Variants in VTCN1 observed in about 807,000 individuals in gnomAD.
VTCN1 encodes the protein V-set domain containing T cell activation inhibitor 1.
A neutral mutation model predicts 26.5 loss-of-function variants in VTCN1; 26 were observed. That is an observed-to-expected ratio of 0.98 (90% CI 0.72 to 1.36). The LOEUF (loss-of-function observed/expected upper bound fraction) is 1.36, where lower values mean the gene tolerates loss of function less well. Among genes scored for constraint, VTCN1 ranks in the 40% most tolerant of loss-of-function variants. VTCN1 has a pLI of 0.00. For missense variants in VTCN1, 298 were observed against 337.7 expected (o/e 0.88, Z 0.92); for synonymous variants, 116 against 130.7 (o/e 0.89, Z 0.77).
At chr1:117,162,553 C>T (rs887510082) in intron 2 of VTCN1, among the ~76,000 whole-genome samples, 1 of 152,098 alleles carries the variant, frequency 6.6e-6, no homozygotes, top group Non-Finnish European at 1.5e-5. Context: ...AGGCAGGTAC[C>T]TATTGATAGA....
chr1:117,180,685 T>A (rs56174814), intron 1 of VTCN1, among the ~76,000 whole-genome samples: 15,562 of 152,248 alleles, frequency 0.1, 1,013 homozygotes, highest in Non-Finnish European at 0.15. Flanking sequence ...CTGGGTGGGA[T>A]CTGGCTGCTA....
chr1:117,195,456 T>C (rs1648461768), intron 1 of VTCN1, among the ~76,000 whole-genome samples: 1 of 152,066 alleles, frequency 6.6e-6, no homozygotes, highest in Non-Finnish European at 1.5e-5. Flanking sequence ...TCACATTGTA[T>C]GCCTTAAATA....
intron 1 of VTCN1, among the ~76,000 whole-genome samples, chr1:117,178,447 G>A (rs914504380): frequency 6.6e-6 from 1 of 150,742 alleles, no homozygotes; most frequent in Admixed American, 6.6e-5. Context: ...TAGTAGAGAT[G>A]GGATTTCACT....
At position 117,201,736 on chromosome 1, in the gene VTCN1, C is replaced by T. The variant is rs550468535; in HGVS notation, c.32+9088G>A. On this transcript the variant is annotated intron_variant, in intron 1 of 5. Transcript: ENST00000369458. ...CTTGTTTTGCTAAATTGCTATGACC[C>T]TACATTATGGTCATTAGACAAAGAT... Among the ~76,000 whole-genome samples the T allele has an allele frequency of 2.0e-5, 3 of 152,282 alleles. No homozygotes were observed. The South Asian group carries it at 6.2e-4, about 32-fold the overall frequency.
intron 1 of VTCN1, among the ~76,000 whole-genome samples, chr1:117,198,128 A>C (rs1015041401): frequency 1.3e-5 from 2 of 152,186 alleles, no homozygotes; most frequent in Non-Finnish European, 2.9e-5. Flanking sequence ...AACGTGTGCT[A>C]TCATAGGGAA....
chr1:117,160,720 T>TTTG (rs546904269), intron 2 of VTCN1, among the ~76,000 whole-genome samples: 159 of 152,228 alleles, frequency 1.0e-3, no homozygotes, highest in East Asian at 3.5e-3. Flanking sequence ...AGCAGACGTG[T>TTTG]TTGTTGTTGT....
intron 1 of VTCN1, among the ~76,000 whole-genome samples, chr1:117,205,087 G>GTATGTATGTA (rs551823624): frequency 1.1e-4 from 1 of 9,416 alleles, no homozygotes; most frequent in African/African-American, 1.2e-4. Context: ...ACATGTATAT[G>GTATGTATGTA]TATGTATGTA....
rs1161941085 is a variant in VTCN1 at position 117,144,716 on chromosome 1, A to G, written c.*555T>C. 5.9e-5 allele frequency: 9 copies of G among 152,632 alleles called. No individual in the cohort carries two copies. Among genetic ancestry groups the G allele is most frequent in the African/African-American group, 2.2e-4 (9 of 41,442 alleles). The allele number at this position is 152,632 out of a possible 1,614,324, so 9.5% of individuals were successfully genotyped here. A position where few individuals can be genotyped will look rare whatever the true frequency, so the allele number is the denominator to read the frequency against. ...AAGGCACCTTTGGAAGCATCATAAA[A>G]AGTGAATCATTTGACCCATTACTAA... On this transcript the variant is annotated 3_prime_UTR_variant, in exon 6 of 6. Coordinates refer to ENST00000369458, the MANE Select transcript of VTCN1 (RefSeq NM_024626.4).
chr1:117,160,855 A>G (rs1340593896), intron 2 of VTCN1, among the ~76,000 whole-genome samples: 1 of 152,206 alleles, frequency 6.6e-6, no homozygotes, highest in Non-Finnish European at 1.5e-5. Flanking sequence ...TACAAAGTAA[A>G]TGAGGGTAAT....
intron 2 of VTCN1, among the ~76,000 whole-genome samples, chr1:117,166,205 G>A (rs919702656): frequency 6.6e-6 from 1 of 152,186 alleles, no homozygotes; most frequent in Non-Finnish European, 1.5e-5. Context: ...CTGTCGCTAT[G>A]CAACAGGAAA....
chr1:117,166,481 G>A (rs1446389324), intron 2 of VTCN1, among the ~76,000 whole-genome samples: 5 of 151,854 alleles, frequency 3.3e-5, no homozygotes, highest in African/African-American at 7.3e-5. Flanking sequence ...GTGGCCTGGC[G>A]CGGTGGCTCA....
In VTCN1 at chr1:117,169,895, A is replaced by AAAAT. The variant is rs1453646983; in HGVS notation, c.97+208_97+211dup. On this transcript the variant is annotated intron_variant, in intron 2 of 5. Transcript: ENST00000369458. The surrounding 1 kb of genome is among the most constrained non-coding windows in gnomAD (Gnocchi z 4.0). ...GGGCAACAGAGCCAGACCCTGTCTCAAAATAAATAAATAAATAATAAAAAA... is the reference window on the plus strand; with the variant it reads ...GGGCAACAGAGCCAGACCCTGTCTCAAAATAAATAAATAAATAAATAATAAAAAA... Among the ~76,000 whole-genome samples, 7 of 152,178 alleles carry AAAAT rather than the reference A, an allele frequency of 4.6e-5. No individual in the cohort carries two copies. The highest frequency in any genetic ancestry group is 9.7e-5 in the African/African-American group (4 of 41,434).
chr1:117,203,033 C>T (rs963398534), intron 1 of VTCN1, among the ~76,000 whole-genome samples: 7 of 151,906 alleles, frequency 4.6e-5, no homozygotes, highest in Non-Finnish European at 8.8e-5. Flanking sequence ...GAGGTGTTTG[C>T]GAGCTGGGAG....
chr1:117,202,358 G>A (rs1335041692), intron 1 of VTCN1, among the ~76,000 whole-genome samples: 1 of 152,180 alleles, frequency 6.6e-6, no homozygotes, highest in African/African-American at 2.4e-5. Flanking sequence ...CTTGATGTCA[G>A]GAGTGAGGGG....
At chr1:117,196,532 T>A in intron 1 of VTCN1, among the ~76,000 whole-genome samples, 1 of 151,908 alleles carries the variant, frequency 6.6e-6, no homozygotes, top group East Asian at 1.9e-4. Context: ...TTTTCCACAC[T>A]AATCCAATAT....
chr1:117,194,944 T>C (rs767885804), intron 1 of VTCN1, among the ~76,000 whole-genome samples: 1 of 152,106 alleles, frequency 6.6e-6, no homozygotes, highest in Non-Finnish European at 1.5e-5. Flanking sequence ...GGGGATCTAA[T>C]ATACAGCATG....
intron 1 of VTCN1, among the ~76,000 whole-genome samples, chr1:117,198,555 G>A (rs537594987): frequency 2.6e-5 from 4 of 152,104 alleles, no homozygotes; most frequent in African/African-American, 4.8e-5. Context: ...TTCTGGCTAC[G>A]TGTGCCTTCA....
At position 117,169,769 on chromosome 1, in the gene VTCN1, C is replaced by A. The variant is rs1190819691; in HGVS notation, c.97+338G>T. Among the ~76,000 whole-genome samples the A allele has an allele frequency of 6.6e-6, 1 of 152,070 alleles. No homozygotes were observed. Among genetic ancestry groups the A allele is most frequent in the African/African-American group, 2.4e-5 (1 of 41,406 alleles). ...TTAGCCTGGCATGGTGGTGCACATG[C>A]CTGTAGTCCTAGCTACTTGGGAGGC... On this transcript the variant is annotated intron_variant, in intron 2 of 5. Transcript: ENST00000369458. This position sits in a 1 kb window ranked among gnomAD's most constrained non-coding sequence, Gnocchi z 4.0.
At chr1:117,177,433 A>G (rs1647414406) in intron 1 of VTCN1, among the ~76,000 whole-genome samples, 1 of 152,200 alleles carries the variant, frequency 6.6e-6, no homozygotes, top group Non-Finnish European at 1.5e-5. Flanking sequence ...AACCGAGAGC[A>G]GAAGCATCAG....
Sources: allele counts gnomAD v4.1 joint callset (sites outside exome capture counted in the v4.1 genomes callset), GRCh38; gene constraint gnomAD v4.1.1; non-coding constraint Gnocchi (gnomAD v3.1); transcripts MANE v1.5; gene names NCBI Gene and HGNC (gene_info 2026-07-23, HGNC 2026-07-21).